Variants in PRSS36 observed in about 807,000 individuals in gnomAD.
The protein encoded by PRSS36 is serine protease 36.
In PRSS36, 90 loss-of-function variants were observed where a neutral mutation model predicts 94.3. That is an observed-to-expected ratio of 0.95 (90% CI 0.80 to 1.14). The LOEUF is 1.14. Among genes scored for constraint, PRSS36 ranks in the 50% most tolerant of loss-of-function variants. PRSS36 has a pLI of 0.00. For missense variants in PRSS36, 1,158 were observed against 1,135.0 expected, an observed-to-expected ratio of 1.02 and a Z score of -0.29; for synonymous variants, 500 against 489.6, an observed-to-expected ratio of 1.02 and a Z score of -0.28.
chr16:31,149,663 G>T (rs771939030), intron 2 of PRSS36, 33 bp downstream of exon 2: 1 of 1,613,942 alleles, frequency 6.2e-7, no homozygotes, highest in Non-Finnish European at 8.5e-7. Flanking sequence ...TTCTGCCTCT[G>T]CACGTGACTT....
In PRSS36 at chr16:31,139,213, T is replaced by TG. The variant is rs751904070; in HGVS notation, c.2492dup (p.Glu832ArgfsTer28). On this transcript the variant is annotated frameshift_variant, in exon 15 of 15. Transcript: ENST00000268281. LOFTEE classifies it low-confidence loss of function (END_TRUNC). ...GGGATCCCGAGGCCTTGGCCAGTTC[T>TG]GGGGGGCAGAGATTGCTGCCTCCAG... 37 of 1,613,346 alleles carry TG rather than the reference T, an allele frequency of 2.3e-5. No homozygotes were observed. Among genetic ancestry groups the TG allele is most frequent in the Non-Finnish European group, 3.1e-5 (36 of 1,179,472 alleles).
chr16:31,139,039 G>C lies in PRSS36; in HGVS notation c.*99C>G. The C allele has an allele frequency of 7.3e-7, 1 of 1,367,512 alleles. No homozygotes were observed. The highest frequency in any genetic ancestry group is 9.9e-7 in the Non-Finnish European group (1 of 1,006,330). The allele number at this position is 1,367,512 out of a possible 1,614,324, so 84.7% of individuals were successfully genotyped here. A position where few individuals can be genotyped will look rare whatever the true frequency, so the allele number is the denominator to read the frequency against. On this transcript the variant is annotated 3_prime_UTR_variant, in exon 15 of 15. Coordinates refer to ENST00000268281, the MANE Select transcript of PRSS36 (RefSeq NM_173502.5). Reference sequence around the variant, plus strand: ...CAGAGCCGCTGCAATCTCGGTGGGTGGGGCCCTTGAGGTTCCAGCCGGCTG... The same window carrying C: ...CAGAGCCGCTGCAATCTCGGTGGGTCGGGCCCTTGAGGTTCCAGCCGGCTG...
chr16:31,140,001 C>T (rs1312954302), intron 14 of PRSS36, among the ~76,000 whole-genome samples: 2 of 151,502 alleles, frequency 1.3e-5, no homozygotes, highest in African/African-American at 4.8e-5. Context: ...ACCATCCTGG[C>T]TCACACAGTG....
At position 31,143,590 on chromosome 16, in the gene PRSS36, G is replaced by C. The variant is rs1200829725; in HGVS notation, c.968C>G (p.Pro323Arg). The C allele has an allele frequency of 5.6e-6, 9 of 1,614,122 alleles. No homozygotes were observed. The highest frequency in any genetic ancestry group is 7.6e-6 in the Non-Finnish European group (9 of 1,179,978). Residue 323 changes from proline to arginine, a missense_variant and splice_region_variant, in exon 7 of 15, where the codon CCT (proline) becomes CGT (arginine). Transcript: ENST00000268281. ...ATCCAGGGGTGCCGCCCACTCACCA[G>C]GCAGGGCAATGGTGCAGTTCTCCTC... ...PREENCTIAL[P>R]ECGKAPRPGA...
Position 31,139,054 on chromosome 16 carries a change from C to CAGAGAAAA in PRSS36, c.*83_*84insTTTTCTCT. On this transcript the variant is annotated 3_prime_UTR_variant, in exon 15 of 15. Coordinates refer to ENST00000268281, the MANE Select transcript of PRSS36 (RefSeq NM_173502.5). ...CTCGGTGGGTGGGGCCCTTGAGGTTCCAGCCGGCTGGGCCACATTCCAGCC... is the reference window on the plus strand; with the variant it reads ...CTCGGTGGGTGGGGCCCTTGAGGTTCAGAGAAAACAGCCGGCTGGGCCACATTCCAGCC... The CAGAGAAAA allele has an allele frequency of 6.9e-7, 1 of 1,453,858 alleles. No homozygotes were observed. Among genetic ancestry groups the CAGAGAAAA allele is most frequent in the Non-Finnish European group, 9.2e-7 (1 of 1,086,240 alleles). 90.1% of individuals were successfully genotyped at this position (1,453,858 alleles called of 1,614,324 possible). A position where few individuals can be genotyped will look rare whatever the true frequency, so the allele number is the denominator to read the frequency against.
In PRSS36 at chr16:31,149,850, C is replaced by T. The variant is rs949241368; in HGVS notation, c.38-119G>A. 5 of 1,538,776 alleles carry T rather than the reference C, an allele frequency of 3.2e-6. No homozygotes were observed. In the African/African-American group the frequency reaches 5.5e-5, roughly 17 times the overall value. On this transcript the variant is annotated intron_variant, in intron 1 of 14. Transcript: ENST00000268281. ...CCCCAGGGCACCCAGGCCTCCCTCTCCCTCCTCTGATACATCCTCGCCTTC... is the reference window on the plus strand; with the variant it reads ...CCCCAGGGCACCCAGGCCTCCCTCTTCCTCCTCTGATACATCCTCGCCTTC...
chr16:31,148,729 C>A (rs2057843170), intron 4 of PRSS36, 54 bp from the exon 5 acceptor site: 42 of 1,598,512 alleles, frequency 2.6e-5, no homozygotes, highest in Non-Finnish European at 3.0e-5. Context: ...AGGGGGCAGA[C>A]CCTCGTTGGG....
chr16:31,143,500 G>A (rs200596578), intron 7 of PRSS36, 29 bp from the exon 8 acceptor site: 1 of 1,603,690 alleles, frequency 6.2e-7, no homozygotes, highest in Non-Finnish European at 8.5e-7. Flanking sequence ...GGGTCAGTGG[G>A]CCTCCTGCAA....
In PRSS36 at chr16:31,142,560, G is replaced by C; in HGVS notation, c.1442C>G (p.Ala481Gly). Reference sequence around the variant, plus strand: ...CGGGTCTCCGGGCAGCGGTACTGCCGCCCCCTGGCGGCCGTACAGGCAGTG... The same window carrying C: ...CGGGTCTCCGGGCAGCGGTACTGCCCCCCCCTGGCGGCCGTACAGGCAGTG... The part of the protein sequence containing the change: ...WCHCLYGRQG[A>G]AVPLPGDPPH... Residue 481 changes from alanine (A) to glycine (G), a missense_variant, in exon 10 of 15, where the codon GCG becomes GGG. Physicochemically the swap from Ala to Gly is moderately conservative, Grantham distance 60. Transcript: ENST00000268281. 6.6e-7 allele frequency: 1 copy of C among 1,525,590 alleles called. No homozygotes were observed. Among genetic ancestry groups the C allele is most frequent in the Non-Finnish European group, 8.8e-7 (1 of 1,140,574 alleles). The allele number at this position is 1,525,590 out of a possible 1,614,324, so 94.5% of individuals were successfully genotyped here. A position where few individuals can be genotyped will look rare whatever the true frequency, so the allele number is the denominator to read the frequency against.
intron 5 of PRSS36, among the ~76,000 whole-genome samples, chr16:31,147,424 A>G (rs2057813892): frequency 6.6e-6 from 1 of 152,060 alleles, no homozygotes; most frequent in Admixed American, 6.6e-5. Flanking sequence ...CCACAAGCAG[A>G]GGCTGTAGCA....
In PRSS36 at chr16:31,143,577, CG is replaced by C; in HGVS notation, c.970+10del. The C allele has an allele frequency of 6.2e-7, 1 of 1,613,880 alleles. No homozygotes were observed. Among genetic ancestry groups the C allele is most frequent in the Non-Finnish European group, 8.5e-7 (1 of 1,179,806 alleles). On this transcript the variant is annotated intron_variant, in intron 7 of 14. Transcript: ENST00000268281. ...ATGTCCCGCTTACATCCAGGGGTGC[CG>C]CCCACTCACCAGGCAGGGCAATGGT...
chr16:31,143,338 T>C lies in PRSS36; in HGVS notation c.1100+4A>G. 1 of 1,585,250 alleles carries C rather than the reference T, an allele frequency of 6.3e-7. No homozygotes were observed. Among genetic ancestry groups the C allele is most frequent in the Non-Finnish European group, 8.6e-7 (1 of 1,166,908 alleles). ...ATCGGCTTGAAACGTAGATTTTCAC[T>C]CACTCCAGAAAGCAGCTGGCAGGTG... On this transcript the variant is annotated splice_donor_region_variant and intron_variant, in intron 8 of 14. Transcript: ENST00000268281.
intron 1 of PRSS36, 122 bp downstream of exon 1, chr16:31,149,877 G>T: frequency 6.6e-7 from 1 of 1,520,602 alleles, no homozygotes; most frequent in Non-Finnish European, 9.1e-7. Context: ...CTCGCCTTCT[G>T]CTGCCTCACT....
At chr16:31,139,549 G>C (rs1596836532) in intron 14 of PRSS36, 133 bp from the exon 15 acceptor site, 1 of 1,088,744 alleles carries the variant, frequency 9.2e-7, no homozygotes, top group Non-Finnish European at 1.3e-6. Context: ...TCTCTCCCGG[G>C]TCCAGCTAGG....
chr16:31,144,256 C>T (rs975648535), intron 6 of PRSS36, among the ~76,000 whole-genome samples: 1 of 152,134 alleles, frequency 6.6e-6, no homozygotes, highest in Non-Finnish European at 1.5e-5. Context: ...CCCACTGCAA[C>T]CTCTGCCTCC....
intron 3 of PRSS36, 55 bp from the exon 4 acceptor site, chr16:31,149,290 G>A: frequency 6.6e-7 from 1 of 1,518,900 alleles, no homozygotes; most frequent in Non-Finnish European, 8.9e-7. Flanking sequence ...CACTCCAGAA[G>A]CCCAGGTAAC....
chr16:31,146,914 G>C (rs751859055), intron 5 of PRSS36, among the ~76,000 whole-genome samples: 14 of 152,262 alleles, frequency 9.2e-5, no homozygotes, highest in Non-Finnish European at 1.8e-4. Flanking sequence ...GCTGGGAGGC[G>C]GAGGTTGCAG....
rs566150397 is a variant in PRSS36, at chr16:31,142,845, G to A, written c.1249C>T (p.Arg417Cys). The A allele has an allele frequency of 1.8e-5, 28 of 1,554,240 alleles. No homozygotes were observed. The South Asian group carries it at 3.2e-4, about 18-fold the overall frequency. The change falls in exon 9 of 15, where the codon CGC (arginine) becomes TGC (cysteine). Residue 417 changes from arginine (R) to cysteine (C), a missense_variant. Transcript: ENST00000268281. ...GCCGCGCTCAGGTTCACGGGCGTGC[G>A]CAGCTGCAGCAGCGCCAGGTCCGAG... ...NASDLALLQL[R>C]TPVNLSAASR...
chr16:31,142,918 C>A lies in PRSS36; in HGVS notation c.1176G>T (p.Glu392Asp), dbSNP rs1265111977. 1.0e-5 allele frequency: 16 copies of A among 1,530,438 alleles called. No individual in the cohort carries two copies. The highest frequency in any genetic ancestry group is 1.4e-5 in the Non-Finnish European group (16 of 1,145,368). 94.8% of individuals were successfully genotyped at this position (1,530,438 alleles called of 1,614,324 possible). The change falls in exon 9 of 15, where the codon GAG becomes GAT. Residue 392 changes from glutamate (E) to aspartate (D), a missense_variant. Physicochemically the swap from Glu to Asp is conservative, Grantham distance 45. Transcript: ENST00000268281. ...CGTGCTGCACCAGGCGCGCCACCCG[C>A]TCCGCGCGCGGGCGCGAGGGCAGCA... ...RVLLPSRPRA[E>D]RVARLVQHEN...
Sources: allele counts gnomAD v4.1 joint callset (sites outside exome capture counted in the v4.1 genomes callset), GRCh38; gene constraint gnomAD v4.1.1; transcripts MANE v1.5; gene names NCBI Gene and HGNC (gene_info 2026-07-23, HGNC 2026-07-21).